Variants in FOXP1 observed in about 807,000 individuals in gnomAD.
FOXP1 encodes forkhead box protein P1.
A neutral mutation model predicts 98.2 loss-of-function variants in FOXP1; 15 were observed. The ratio of observed to expected loss-of-function variants is 0.15; its 90% confidence interval spans 0.10 to 0.24. The LOEUF (loss-of-function observed/expected upper bound fraction) is 0.24. Ranked by LOEUF, FOXP1 falls within the 10% of genes least tolerant of loss-of-function variation. FOXP1 has a pLI of 1.00. For missense variants in FOXP1, 633 were observed against 848.5 expected (o/e 0.75, Z 3.15); for synonymous variants, 371 against 314.5 (o/e 1.18, Z -1.90).
At chr3:71,409,150 G>C (rs901578017) in intron 3 of FOXP1, among the ~76,000 whole-genome samples, 1 of 152,066 alleles carries the variant, frequency 6.6e-6, no homozygotes, top group East Asian at 1.9e-4. Flanking sequence ...TATTCTCATG[G>C]CCCCCTCAGG....
At chr3:71,466,536 G>GTTTA (rs2088760270) in intron 3 of FOXP1, among the ~76,000 whole-genome samples, 1 of 152,196 alleles carries the variant, frequency 6.6e-6, no homozygotes, top group African/African-American at 2.4e-5. Context: ...CCAAACAAGC[G>GTTTA]TTTATTATGC....
At chr3:71,162,126 C>T (rs2061168865) in intron 6 of FOXP1, among the ~76,000 whole-genome samples, 1 of 152,176 alleles carries the variant, frequency 6.6e-6, no homozygotes, top group African/African-American at 2.4e-5. Context: ...GCCAGATGTA[C>T]CTTAAGTGCT....
At chr3:71,568,009 A>AAGGG (rs1559540702) in intron 2 of FOXP1, 1 of 126,450 alleles carries the variant, frequency 7.9e-6, no homozygotes, top group Non-Finnish European at 1.6e-5. Context: ...GGAAGGGAGG[A>AAGGG]AGGAAGGAAG....
At chr3:71,386,468 T>A (rs952005229) in intron 3 of FOXP1, among the ~76,000 whole-genome samples, 22 of 152,138 alleles carry the variant, frequency 1.4e-4, no homozygotes, top group Non-Finnish European at 7.4e-5. Context: ...TCACGCCCTG[T>A]GCGGTGGCTC....
intron 11 of FOXP1, among the ~76,000 whole-genome samples, chr3:71,016,153 A>G (rs947616091): frequency 2.0e-5 from 3 of 152,202 alleles, no homozygotes; most frequent in Admixed American, 1.3e-4. Context: ...AATTTGGAAT[A>G]ATACCAAAAT....
At chr3:71,400,987 G>C (rs2108208751) in intron 3 of FOXP1, among the ~76,000 whole-genome samples, 1 of 152,304 alleles carries the variant, frequency 6.6e-6, no homozygotes, top group East Asian at 1.9e-4. Flanking sequence ...CCTACATGCT[G>C]TCAGTTTGCT....
intron 5 of FOXP1, among the ~76,000 whole-genome samples, chr3:71,284,296 G>A (rs540314616): frequency 6.6e-6 from 1 of 152,306 alleles, no homozygotes; most frequent in Admixed American, 6.5e-5. Flanking sequence ...CAGGCACAGT[G>A]GTTCACGCCT....
In FOXP1 at chr3:70,955,697, G is replaced by T. The variant is rs1290013621; in HGVS notation, c.*3550C>A. ...ATGCAAAATATTTACTGCAGCAGGA[G>T]AAAACATTTTTTAAACAACATTTTT... is the stretch of plus-strand genomic sequence containing the variant. On this transcript the variant is annotated 3_prime_UTR_variant, in exon 21 of 21. Transcript: ENST00000649528. The T allele has an allele frequency of 4.3e-6, 1 of 233,316 alleles. No homozygotes were observed. Among genetic ancestry groups the T allele is most frequent in the East Asian group, 6.0e-5 (1 of 16,576 alleles). The allele number at this position is 233,316 out of a possible 1,614,324, so 14.5% of individuals were successfully genotyped here.
intron 2 of FOXP1, chr3:71,571,594 C>G (rs2107807005): frequency 6.6e-6 from 1 of 152,300 alleles, no homozygotes; most frequent in South Asian, 2.1e-4. Flanking sequence ...GTAAACATTT[C>G]TAGATGGCCC....
intron 12 of FOXP1, among the ~76,000 whole-genome samples, chr3:71,012,293 T>C (rs1013742193): frequency 6.6e-6 from 1 of 152,180 alleles, no homozygotes; most frequent in Non-Finnish European, 1.5e-5. Flanking sequence ...TGCCAAGTTC[T>C]TTTTCTCTCA....
chr3:71,178,747 G>A (rs1025893386), intron 6 of FOXP1, among the ~76,000 whole-genome samples: 9 of 151,930 alleles, frequency 5.9e-5, no homozygotes, highest in Non-Finnish European at 1.3e-4. Flanking sequence ...AGCCAGGCAA[G>A]GTGGCAGGCG....
At chr3:71,256,264 G>C (rs1148748) in intron 5 of FOXP1, among the ~76,000 whole-genome samples, 152,083 of 152,244 alleles carry the variant, frequency 1, 75,961 homozygotes, top group Middle Eastern at 1. Flanking sequence ...CTCCAGAGAG[G>C]AAACTGCGCC....
At chr3:71,451,258 A>T (rs570326575) in intron 3 of FOXP1, among the ~76,000 whole-genome samples, 1 of 152,274 alleles carries the variant, frequency 6.6e-6, no homozygotes, top group African/African-American at 2.4e-5. Context: ...GACTGTGAGC[A>T]CTTCTTTGTA....
chr3:71,536,606 T>C (rs2044316942), intron 2 of FOXP1, among the ~76,000 whole-genome samples: 1 of 151,200 alleles, frequency 6.6e-6, no homozygotes, highest in African/African-American at 2.4e-5. Context: ...GTTGTTGCTC[T>C]GTCTTGGAAA....
chr3:71,550,158 G>A (rs1220972528), intron 2 of FOXP1, among the ~76,000 whole-genome samples: 1 of 152,118 alleles, frequency 6.6e-6, no homozygotes, highest in Non-Finnish European at 1.5e-5. Context: ...ATTGGAGTTG[G>A]CGATGGTACA....
chr3:71,253,041 T>G (rs1010463517), intron 5 of FOXP1, among the ~76,000 whole-genome samples: 8 of 152,194 alleles, frequency 5.3e-5, no homozygotes, highest in African/African-American at 1.9e-4. Flanking sequence ...AGGGTGTCGC[T>G]TCATGGCTAT....
chr3:71,369,431 G>A (rs1371015072), intron 3 of FOXP1, among the ~76,000 whole-genome samples: 2 of 152,186 alleles, frequency 1.3e-5, no homozygotes, highest in Non-Finnish European at 2.9e-5. Flanking sequence ...GTCTCGCTCT[G>A]TCACCCAGGC....
intron 5 of FOXP1, among the ~76,000 whole-genome samples, chr3:71,231,724 A>G (rs2066302727): frequency 6.6e-6 from 1 of 152,268 alleles, no homozygotes; most frequent in Admixed American, 6.5e-5. Context: ...GAATAGAAAA[A>G]GCCTCCCTAT....
intron 5 of FOXP1, among the ~76,000 whole-genome samples, chr3:71,246,795 T>C (rs1324811151): frequency 6.6e-6 from 1 of 152,232 alleles, no homozygotes; most frequent in Non-Finnish European, 1.5e-5. Flanking sequence ...ATAACTCGTC[T>C]CCGTCACTCT....
Sources: allele counts gnomAD v4.1 joint callset (sites outside exome capture counted in the v4.1 genomes callset), GRCh38; gene constraint gnomAD v4.1.1; transcripts MANE v1.5; gene names NCBI Gene and HGNC (gene_info 2026-07-23, HGNC 2026-07-21).